ADGRV1: variants seen among roughly 807,000 people sequenced by gnomAD.
ADGRV1 encodes the protein G-protein coupled receptor 98.
Under a neutral mutation model 596.2 loss-of-function variants are expected in ADGRV1, and 359 were observed. The observed-to-expected ratio is 0.60, with a 90% CI of 0.55 to 0.66. ADGRV1 has a LOEUF of 0.66. Among genes scored for constraint, ADGRV1 ranks in the 30% least tolerant of loss-of-function variants. The pLI is 0.00. For synonymous variants in ADGRV1, 2,681 were observed against 2,679.2 expected (o/e 1.00, Z -0.02); for missense variants, 7,274 against 7,575.6 (o/e 0.96, Z 1.48).
At chr5:90,810,188 A>AT (rs1561779705) in intron 73 of ADGRV1, 45 bp from the exon 74 acceptor site, 4 of 1,452,446 alleles carry the variant, frequency 2.8e-6, no homozygotes, top group African/African-American at 1.4e-5. Context: ...TCATATTCCT[A>AT]TTTTTTAAAA....
intron 89 of ADGRV1, among the ~76,000 whole-genome samples, chr5:91,159,858 G>A (rs984149742): frequency 2.0e-5 from 3 of 152,228 alleles, no homozygotes; most frequent in Non-Finnish European, 2.9e-5. Context: ...ATGAGGGTAG[G>A]ATGGAAAGGA....
chr5:90,997,605 A>G (rs1781524655), intron 85 of ADGRV1, among the ~76,000 whole-genome samples: 1 of 152,230 alleles, frequency 6.6e-6, no homozygotes, highest in African/African-American at 2.4e-5. Flanking sequence ...GTACTGAAAT[A>G]CAAAGACCTA....
At position 90,853,512 on chromosome 5, in the gene ADGRV1, T is replaced by C; in HGVS notation, c.17433T>C (p.Asn5811=). The C allele has an allele frequency of 1.9e-6, 3 of 1,611,704 alleles. No homozygotes were observed. The highest frequency in any genetic ancestry group is 2.5e-6 in the Non-Finnish European group (3 of 1,178,554). ...SSQQWFISGN[N]LPTLKNKVLS... is the part of the protein sequence containing the mutation. ...AACAGTGGTTTATAAGTGGAAACAA[T>C]CTTCCTACCCTAAAAAATAAGGTAA... The change falls in exon 80 of 90, where the codon AAT becomes AAC. Residue 5811 remains asparagine (N), a synonymous_variant. Transcript: ENST00000405460.
At chr5:90,581,105 G>T (rs949644943) in intron 1 of ADGRV1, among the ~76,000 whole-genome samples, 9 of 152,092 alleles carry the variant, frequency 5.9e-5, no homozygotes, top group African/African-American at 2.2e-4. Context: ...AGCTCCATCA[G>T]GTCATTTAAA....
intron 83 of ADGRV1, among the ~76,000 whole-genome samples, chr5:90,870,737 T>C (rs1331609078): frequency 6.6e-6 from 1 of 152,176 alleles, no homozygotes; most frequent in African/African-American, 2.4e-5. Context: ...GCTCTGATCA[T>C]AGGTTTGCTG....
At chr5:90,912,095 A>G (rs377400978) in intron 83 of ADGRV1, among the ~76,000 whole-genome samples, 29 of 152,220 alleles carry the variant, frequency 1.9e-4, no homozygotes, top group African/African-American at 6.5e-4. Context: ...GTGCTTGGTA[A>G]GCGGTAAGTA....
chr5:90,779,527 C>T (rs2150084277), intron 64 of ADGRV1: 1 of 153,484 alleles, frequency 6.5e-6, no homozygotes, highest in Non-Finnish European at 1.5e-5. Flanking sequence ...ATCGTCTTCT[C>T]TGTGGGTGAA....
intron 26 of ADGRV1, among the ~76,000 whole-genome samples, chr5:90,680,893 C>T (rs1181775006): frequency 3.3e-5 from 5 of 152,248 alleles, no homozygotes; most frequent in Admixed American, 6.5e-5. Flanking sequence ...GATTCATGCA[C>T]GTTGGAAACC....
intron 85 of ADGRV1, among the ~76,000 whole-genome samples, chr5:90,993,507 A>G (rs1781145916): frequency 6.6e-6 from 1 of 152,034 alleles, no homozygotes; most frequent in South Asian, 2.1e-4. Context: ...AATAACTCCA[A>G]ACTTGTCTAA....
Position 90,750,440 on chromosome 5 carries a change from A to T in ADGRV1, c.10975-111A>T, listed in dbSNP as rs1377846939. ...AATTGTCGTTTTCACTTACTATGTC[A>T]TGTTGCTTAGGACCACAAAGTTTGC... On this transcript the variant is annotated intron_variant, in intron 52 of 89. Transcript: ENST00000405460. 7.9e-6 allele frequency: 6 copies of T among 755,878 alleles called. No homozygotes were observed. The African/African-American group carries it at 1.0e-4, about 13-fold the overall frequency. 46.8% of individuals were successfully genotyped at this position (755,878 alleles called of 1,614,324 possible). A position where few individuals can be genotyped will look rare whatever the true frequency, so the allele number is the denominator to read the frequency against.
intron 78 of ADGRV1, among the ~76,000 whole-genome samples, chr5:90,844,222 G>A (rs1765669394): frequency 6.6e-6 from 1 of 152,086 alleles, no homozygotes; most frequent in South Asian, 2.1e-4. Flanking sequence ...GAACTTCCAA[G>A]TACTGGAAGG....
chr5:91,067,316 T>C (rs1340134935), intron 85 of ADGRV1, among the ~76,000 whole-genome samples: 2 of 152,074 alleles, frequency 1.3e-5, no homozygotes, highest in Non-Finnish European at 1.5e-5. Context: ...GCTAATTTTG[T>C]ATTTTTAGTA....
At chr5:90,628,533 C>T (rs778915573) in intron 7 of ADGRV1, 29 bp from the exon 8 acceptor site, 2 of 1,589,574 alleles carry the variant, frequency 1.3e-6, no homozygotes, top group Non-Finnish European at 1.7e-6. Context: ...TACTATGTGA[C>T]AATATGTATT....
At chr5:91,083,733 C>G (rs1789620526) in intron 86 of ADGRV1, among the ~76,000 whole-genome samples, 1 of 152,076 alleles carries the variant, frequency 6.6e-6, no homozygotes, top group Non-Finnish European at 1.5e-5. Flanking sequence ...TATTTTTGTT[C>G]TTCACATATT....
chr5:91,041,899 T>C (rs888060980), intron 85 of ADGRV1, among the ~76,000 whole-genome samples: 1 of 152,220 alleles, frequency 6.6e-6, no homozygotes, highest in Admixed American at 6.5e-5. Context: ...ATGCATATTA[T>C]GTTAGTTTTT....
chr5:90,759,352 C>T (rs901722081), intron 57 of ADGRV1, 57 bp from the exon 58 acceptor site: 16 of 1,246,770 alleles, frequency 1.3e-5, no homozygotes, highest in East Asian at 5.1e-5. Context: ...TCCTCATTTC[C>T]TATCTTCCTC....
chr5:90,977,784 A>G (rs1779738656), intron 84 of ADGRV1, among the ~76,000 whole-genome samples: 2 of 152,300 alleles, frequency 1.3e-5, no homozygotes, highest in Middle Eastern at 3.4e-3. Flanking sequence ...TGCTATCTAT[A>G]TTTGACCTAA....
intron 86 of ADGRV1, among the ~76,000 whole-genome samples, chr5:91,077,495 A>C (rs1013367645): frequency 6.6e-6 from 1 of 152,228 alleles, no homozygotes; most frequent in Non-Finnish European, 1.5e-5. Flanking sequence ...ACAGAGTTCA[A>C]ATAAACTCAG....
chr5:90,595,391 A>AC (rs1370140649), intron 1 of ADGRV1, among the ~76,000 whole-genome samples: 1 of 16,052 alleles, frequency 6.2e-5, no homozygotes, highest in Non-Finnish European at 1.2e-4. Flanking sequence ...TGGGGGGCTG[A>AC]CCCCCCCACC....
Sources: allele counts gnomAD v4.1 joint callset (sites outside exome capture counted in the v4.1 genomes callset), GRCh38; gene constraint gnomAD v4.1.1; transcripts MANE v1.5; gene names NCBI Gene and HGNC (gene_info 2026-07-23, HGNC 2026-07-21).